XPO7: variants seen among roughly 807,000 people sequenced by gnomAD.
The protein encoded by XPO7 is exportin-7.
Under a neutral mutation model 144.3 loss-of-function variants are expected in XPO7, and 21 were observed. That is an observed-to-expected ratio of 0.15 (90% CI 0.10 to 0.21). The LOEUF is 0.21. Ranked by LOEUF, XPO7 falls within the 10% of genes least tolerant of loss-of-function variation. XPO7 has a pLI of 1.00. For synonymous variants in XPO7, 580 were observed against 499.6 expected, an observed-to-expected ratio of 1.16 and a Z score of -2.15; for missense variants, 808 against 1,325.8, an observed-to-expected ratio of 0.61 and a Z score of 6.06.
chr8:21,971,798 C>T lies in XPO7; in HGVS notation c.427-78C>T, dbSNP rs775834310. On this transcript the variant is annotated intron_variant, in intron 4 of 27. Coordinates refer to ENST00000252512, the MANE Select transcript of XPO7 (RefSeq NM_015024.5). ...ACTAATGACACAGGAACCCGTCATTCGAAAGTATGAGTGCATTCCAAATGC... is the reference window on the plus strand; with the variant it reads ...ACTAATGACACAGGAACCCGTCATTTGAAAGTATGAGTGCATTCCAAATGC... 2.0e-5 allele frequency: 23 copies of T among 1,148,174 alleles called. No homozygotes were observed. The South Asian group carries it at 2.8e-4, about 14-fold the overall frequency. The allele number at this position is 1,148,174 out of a possible 1,614,324, so 71.1% of individuals were successfully genotyped here.
chr8:21,998,427 T>G lies in XPO7; in HGVS notation c.2346-328T>G, dbSNP rs893238025. Among the ~76,000 whole-genome samples, 3 of 152,142 alleles carry G rather than the reference T, an allele frequency of 2.0e-5. No homozygotes were observed. In the East Asian group the frequency reaches 5.8e-4, roughly 29 times the overall value. On this transcript the variant is annotated intron_variant, in intron 21 of 27. Transcript: ENST00000252512. ...CCGCACTCTAGCCTGGGCGACAGAG[T>G]AAGACTCCATCTCAAAAAAAAGAAA...
intron 1 of XPO7, among the ~76,000 whole-genome samples, chr8:21,948,787 T>A (rs1811273692): frequency 6.6e-6 from 1 of 152,218 alleles, no homozygotes; most frequent in African/African-American, 2.4e-5. Context: ...TCTTCCTGAA[T>A]TCATTTAACA....
intron 24 of XPO7, among the ~76,000 whole-genome samples, chr8:22,001,198 C>G (rs1178060218): frequency 6.6e-6 from 1 of 151,668 alleles, no homozygotes; most frequent in Non-Finnish European, 1.5e-5. Flanking sequence ...CCCAGCTACT[C>G]TGGAGGCTGA....
intron 17 of XPO7, 156 bp downstream of exon 17, chr8:21,990,563 T>G: frequency 1.2e-6 from 1 of 859,292 alleles, no homozygotes; most frequent in South Asian, 1.7e-5. Context: ...ACTTACGTCA[T>G]CAGAGTGGCT....
intron 1 of XPO7, among the ~76,000 whole-genome samples, chr8:21,959,306 C>T (rs1474790028): frequency 6.6e-6 from 1 of 152,132 alleles, no homozygotes; most frequent in Non-Finnish European, 1.5e-5. Flanking sequence ...TTTTTGGTAG[C>T]CAGTATAATC....
chr8:21,933,607 C>G (rs1404139249), intron 1 of XPO7, among the ~76,000 whole-genome samples: 1 of 152,096 alleles, frequency 6.6e-6, no homozygotes, highest in African/African-American at 2.4e-5. Context: ...AACACTGTAA[C>G]ATTTTTTATA....
chr8:21,990,336 G>T lies in XPO7; in HGVS notation c.1869-8G>T. ...ACACTTTCCTTGACCTTCTTCCTTTGTCTTCACGTACAGTAGCGTAAGGAA... is the reference window on the plus strand; with the variant it reads ...ACACTTTCCTTGACCTTCTTCCTTTTTCTTCACGTACAGTAGCGTAAGGAA... On this transcript the variant is annotated splice_polypyrimidine_tract_variant and splice_region_variant and intron_variant, in intron 16 of 27. Transcript: ENST00000252512. 6.2e-7 allele frequency: 1 copy of T among 1,612,788 alleles called. No individual in the cohort carries two copies.
At chr8:21,944,113 AC>A (rs1402966359) in intron 1 of XPO7, among the ~76,000 whole-genome samples, 1 of 152,196 alleles carries the variant, frequency 6.6e-6, no homozygotes, top group Non-Finnish European at 1.5e-5. Flanking sequence ...GAATGGCCAT[AC>A]CCAAGAGTGG....
intron 3 of XPO7, chr8:21,969,880 G>A (rs17060681): frequency 0.15 from 82,745 of 538,146 alleles, 9,198 homozygotes; most frequent in African/African-American, 0.43. Context: ...TGTAGACCAC[G>A]TTCTTTAGCT....
intron 19 of XPO7, 91 bp from the exon 20 acceptor site, chr8:21,994,272 A>G (rs1016111541): frequency 3.3e-6 from 3 of 915,554 alleles, no homozygotes; most frequent in Non-Finnish European, 5.2e-6. Flanking sequence ...TGTGAGAGAA[A>G]GAATTTGATG....
Position 22,003,891 on chromosome 8 carries a change from C to T in XPO7, c.3043-12C>T. 6.2e-7 allele frequency: 1 copy of T among 1,613,778 alleles called. No individual in the cohort carries two copies. The highest frequency in any genetic ancestry group is 8.5e-7 in the Non-Finnish European group (1 of 1,179,754). On this transcript the variant is annotated splice_polypyrimidine_tract_variant and intron_variant, in intron 26 of 27. Coordinates refer to ENST00000252512, the MANE Select transcript of XPO7 (RefSeq NM_015024.5). Reference sequence around the variant, plus strand: ...GCTTCTCTAACCTTCTGTTCCACTCCTTGCCCCACAGTATTTTTCTGACCT... The same window carrying T: ...GCTTCTCTAACCTTCTGTTCCACTCTTTGCCCCACAGTATTTTTCTGACCT...
rs184318757 is a variant in XPO7 at position 21,976,893 on chromosome 8, A to C, written c.763+372A>C. On this transcript the variant is annotated intron_variant, in intron 7 of 27. Transcript: ENST00000252512. ...AAGCTAGTCTTGAACTCCTGGGTTC[A>C]AGTGATTCTCCTATCTTGGCCTCCC... is the stretch of plus-strand genomic sequence containing the variant. 2.7e-3 allele frequency among the ~76,000 whole-genome samples: 415 copies of C among 152,324 alleles called. 2 individuals are homozygous for C. The highest frequency in any genetic ancestry group is 0.027 in the South Asian group (129 of 4,826).
chr8:21,949,989 T>C (rs748854039), intron 1 of XPO7, among the ~76,000 whole-genome samples: 1 of 152,224 alleles, frequency 6.6e-6, no homozygotes, highest in Non-Finnish European at 1.5e-5. Flanking sequence ...CCTCCCAAAG[T>C]GCTGGGATTA....
chr8:21,976,166 A>G (rs895639880), intron 6 of XPO7, among the ~76,000 whole-genome samples, 190 bp from the exon 7 acceptor site: 2 of 152,226 alleles, frequency 1.3e-5, no homozygotes, highest in Non-Finnish European at 2.9e-5. Context: ...ATATGTTTTA[A>G]TAGTATATAA....
At chr8:21,945,882 G>A (rs928032838) in intron 1 of XPO7, among the ~76,000 whole-genome samples, 1 of 152,156 alleles carries the variant, frequency 6.6e-6, no homozygotes, top group Non-Finnish European at 1.5e-5. Context: ...AACCTATTCA[G>A]ACTGGAGTGT....
chr8:21,992,275 A>T (rs569713962), intron 19 of XPO7, among the ~76,000 whole-genome samples: 1 of 151,812 alleles, frequency 6.6e-6, no homozygotes, highest in East Asian at 1.9e-4. Flanking sequence ...ATTGCATCCC[A>T]TTTTCATTTT....
chr8:21,977,876 C>T (rs772485232), intron 8 of XPO7, 33 bp downstream of exon 8: 1 of 1,578,040 alleles, frequency 6.3e-7, no homozygotes, highest in Non-Finnish European at 8.7e-7. Context: ...TAAAGCAAAC[C>T]TATTCATAGA....
Position 21,969,569 on chromosome 8 carries a change from A to T in XPO7, c.252A>T (p.Ile84=), listed in dbSNP as rs1413284855. ...ACCCCCTACCATTGGAACAGCGAAT[A>T]GATATTCGTAAGTGGAGAATTTTCT... The part of the protein sequence containing the change: ...TNNPLPLEQR[I]DIRNYVLNYL... The change falls in exon 3 of 28, where the codon ATA becomes ATT. Residue 84 remains isoleucine, a synonymous_variant. Coordinates refer to ENST00000252512, the MANE Select transcript of XPO7 (RefSeq NM_015024.5). The T allele has an allele frequency of 6.2e-7, 1 of 1,613,160 alleles. No homozygotes were observed. The highest frequency in any genetic ancestry group is 8.5e-7 in the Non-Finnish European group (1 of 1,179,384).
intron 1 of XPO7, among the ~76,000 whole-genome samples, chr8:21,946,716 C>A (rs1215099770): frequency 2.1e-5 from 3 of 142,178 alleles, no homozygotes; most frequent in African/African-American, 7.9e-5. Context: ...GATCTCGGCT[C>A]ACTGCAGCCT....
Sources: allele counts gnomAD v4.1 joint callset (sites outside exome capture counted in the v4.1 genomes callset), GRCh38; gene constraint gnomAD v4.1.1; transcripts MANE v1.5; gene names NCBI Gene and HGNC (gene_info 2026-07-23, HGNC 2026-07-21).